The following TOP1MT variants were observed in gnomAD, a reference collection of about 807,000 sequenced individuals.
The protein encoded by TOP1MT is DNA topoisomerase I, mitochondrial.
Under a neutral mutation model 73.9 loss-of-function variants are expected in TOP1MT, and 80 were observed. The observed-to-expected ratio is 1.08, with a 90% CI of 0.90 to 1.30. The LOEUF is 1.30. TOP1MT is among the 50% of genes most tolerant of loss of function. TOP1MT has a pLI of 0.00. For missense variants in TOP1MT, 815 were observed against 808.0 expected (o/e 1.01, Z -0.10); for synonymous variants, 338 against 326.4 (o/e 1.04, Z -0.38).
chr8:143,355,750 G>A (rs553721889), intron 1 of TOP1MT, among the ~76,000 whole-genome samples: 36 of 151,054 alleles, frequency 2.4e-4, no homozygotes, highest in South Asian at 8.3e-4. Flanking sequence ...GAGGCGGCTC[G>A]CATTACGAAC....
chr8:143,358,253 A>C (rs954469543), upstream of TOP1MT, among the ~76,000 whole-genome samples: 29 of 152,268 alleles, frequency 1.9e-4, no homozygotes, highest in African/African-American at 5.8e-4. Flanking sequence ...CTCTTCCTTT[A>C]ATCAAAGAAA....
chr8:143,358,530 T>A (rs1817449520), upstream of TOP1MT: 1 of 152,196 alleles, frequency 6.6e-6, no homozygotes, highest in South Asian at 2.1e-4. Context: ...ACAAAATCCA[T>A]CATCATAAAC....
rs145270080 is a variant in TOP1MT at position 143,322,519 on chromosome 8, A to AACAGGCACGCC, written c.961-1144_961-1134dup. Among the ~76,000 whole-genome samples, 2 of 76,022 alleles carry AACAGGCACGCC rather than the reference A, an allele frequency of 2.6e-5. 1 individual carries two copies. Among genetic ancestry groups the AACAGGCACGCC allele is most frequent in the South Asian group, 1.3e-3 (2 of 1,552 alleles). 49.9% of individuals were successfully genotyped at this position (76,022 alleles called of 152,430 possible). A position where few individuals can be genotyped will look rare whatever the true frequency, so the allele number is the denominator to read the frequency against. On this transcript the variant is annotated intron_variant, in intron 7 of 13. Transcript: ENST00000329245. ...CGCCACACACACAGGCACGCCACAC[A>AACAGGCACGCC]ACAGGCACGCCAAAGATGCACGCCA...
chr8:143,313,419 G>A (rs1002822682), intron 12 of TOP1MT, among the ~76,000 whole-genome samples: 1 of 151,744 alleles, frequency 6.6e-6, no homozygotes, highest in Non-Finnish European at 1.5e-5. Flanking sequence ...GTATAGTGGT[G>A]TGTGTCTGTA....
Position 143,325,459 on chromosome 8 carries a change from T to G in TOP1MT, c.558A>C (p.Ile186=), listed in dbSNP as rs1040448132. Residue 186 remains isoleucine (I), a synonymous_variant, in exon 5 of 14, where the codon ATA becomes ATC. Transcript: ENST00000329245. The part of the protein sequence containing the change: ...YCILDGHQEK[I]GNFKIEPPGL... ...CAGGCGGCTCAATCTTGAAGTTGCC[T>G]ATTTTTTCTTGGTGACCATCTAAAA... 4 of 1,613,496 alleles carry G rather than the reference T, an allele frequency of 2.5e-6. No individual in the cohort carries two copies. The highest frequency in any genetic ancestry group is 1.7e-5 in the Admixed American group (1 of 60,006).
chr8:143,340,593 G>T (rs1160499523), intron 2 of TOP1MT, among the ~76,000 whole-genome samples: 1 of 151,940 alleles, frequency 6.6e-6, no homozygotes, highest in Non-Finnish European at 1.5e-5. Context: ...TTCTTCACCA[G>T]GCCCCCCACC....
chr8:143,323,359 C>A (rs1270678465), intron 7 of TOP1MT, among the ~76,000 whole-genome samples: 48 of 66,142 alleles, frequency 7.3e-4, no homozygotes, highest in East Asian at 1.4e-3. Flanking sequence ...CACGCCACAC[C>A]CACAGGCACG....
Position 143,310,074 on chromosome 8 carries a change from A to T in TOP1MT, c.1697T>A (p.Ile566Asn), listed in dbSNP as rs759840706. Residue 566 changes from isoleucine (I) to asparagine (N), a missense_variant, in exon 13 of 14, where the codon ATT (isoleucine) becomes AAT (asparagine). Physicochemically the swap from Ile to Asn is moderately radical, Grantham distance 149. Transcript: ENST00000329245. Reference protein sequence around the residue: ...KLNYLDPRISIAWCKRFRVPV... With the variant: ...KLNYLDPRISNAWCKRFRVPV... ...AGACCCCAGGCACACGCACCAGGCA[A>T]TGCTGATCCTGGGGTCCAGGTAGTT... 4.3e-6 allele frequency: 7 copies of T among 1,612,666 alleles called. No homozygotes were observed. In the South Asian group the frequency reaches 7.7e-5, roughly 18 times the overall value.
chr8:143,326,428 C>T (rs1287756324), intron 3 of TOP1MT, 84 bp from the exon 4 acceptor site: 46 of 1,572,450 alleles, frequency 2.9e-5, no homozygotes, highest in East Asian at 2.7e-4. Context: ...CGGACAGAAA[C>T]GCGCTCTCGC....
upstream of TOP1MT, among the ~76,000 whole-genome samples, chr8:143,335,749 G>A (rs1046784930): frequency 1.3e-5 from 2 of 152,262 alleles, no homozygotes; most frequent in African/African-American, 2.4e-5. Context: ...CACTGTGACC[G>A]TTGGGGGGAA....
chr8:143,321,477 C>CCACACGCACGCCACACACGCACGCCACA, intron 7 of TOP1MT, 91 bp from the exon 8 acceptor site: 1 of 1,000,970 alleles, frequency 1.0e-6, no homozygotes, highest in Middle Eastern at 3.3e-4. Flanking sequence ...CACACGCACG[C>CCACACGCACGCCACACACGCACGCCACA]CACACGCACG....
rs183280388 is a variant in TOP1MT, at chr8:143,342,866, C to G, written c.29+354G>C. ...GTGGCGTGATCTCGGCTCACTGCAA[C>G]CTCTGCCTCCCGGGTTCAAGCGATT... On this transcript the variant is annotated intron_variant, in intron 2 of 5. Transcript: ENST00000518007. 3.1e-3 allele frequency among the ~76,000 whole-genome samples: 472 copies of G among 150,552 alleles called. 2 individuals are homozygous for G. Among genetic ancestry groups the G allele is most frequent in the East Asian group, 0.013 (68 of 5,124 alleles).
At chr8:143,309,874 G>A in intron 13 of TOP1MT, 194 bp downstream of exon 13, 1 of 1,544,030 alleles carries the variant, frequency 6.5e-7, no homozygotes, top group Non-Finnish European at 8.7e-7. Flanking sequence ...ACTTCACCCT[G>A]TCCATCCGAA....
intron 1 of TOP1MT, chr8:143,343,419 G>A (rs1817166347): frequency 2.8e-6 from 1 of 363,526 alleles, no homozygotes; most frequent in Non-Finnish European, 5.5e-6. Context: ...TTTTTCAAAA[G>A]TACACCTGGC....
rs1011438089 is a variant in TOP1MT, at chr8:143,316,046, C to T, written c.1411G>A (p.Ala471Thr). Reference protein sequence around the residue: ...VVAILCNHQRATPSTFEKSMQ... With the variant: ...VVAILCNHQRTTPSTFEKSMQ... Reference sequence around the variant, plus strand: ...GACTTCTCGAACGTACTGGGGGTTGCTCGCTGATGGTTGCAGAGAATGGCC... The same window carrying T: ...GACTTCTCGAACGTACTGGGGGTTGTTCGCTGATGGTTGCAGAGAATGGCC... The change falls in exon 11 of 14, where the codon GCA becomes ACA. Residue 471 changes from alanine (A) to threonine (T), a missense_variant. Ala to Thr is a moderately conservative substitution (Grantham distance 58). Around this residue, in one of 3 missense-constraint regions of TOP1MT, gnomAD observed 751 missense variants for 725.4 expected, o/e 1.04. Transcript: ENST00000329245. The T allele has an allele frequency of 3.1e-6, 5 of 1,614,042 alleles. 1 individual carries two copies. Among genetic ancestry groups the T allele is most frequent in the Non-Finnish European group, 2.5e-6 (3 of 1,179,998 alleles).
At chr8:143,323,949 G>A (rs760045915) in intron 7 of TOP1MT, 50 bp downstream of exon 7, 20 of 1,602,846 alleles carry the variant, frequency 1.2e-5, no homozygotes, top group African/African-American at 4.0e-5. Context: ...GGGAGTCCTC[G>A]CCAGGAGAAC....
upstream of TOP1MT, among the ~76,000 whole-genome samples, chr8:143,338,566 CA>C (rs57834607): frequency 0.051 from 6,657 of 129,904 alleles, 449 homozygotes; most frequent in African/African-American, 0.16. Context: ...GACTCCGTCT[CA>C]AAAAAAAAAA....
At chr8:143,334,991 G>T, upstream of TOP1MT, 3 of 1,001,550 alleles carry the variant, frequency 3.0e-6, no homozygotes, top group South Asian at 4.4e-5. Context: ...AAGGCTGGGC[G>T]GTCTAAGCCT....
chr8:143,331,406 C>A, intron 1 of TOP1MT, 67 bp from the exon 2 acceptor site: 1 of 1,362,898 alleles, frequency 7.3e-7, no homozygotes, highest in Non-Finnish European at 1.0e-6. Flanking sequence ...TCCCCGCTCC[C>A]ACAGTGGCTC....
Sources: gnomAD v4.1 joint callset for allele counts (sites outside exome capture counted in the v4.1 genomes callset) on GRCh38, gnomAD v4.1.1 for gene constraint, gnomAD v4.1.1 regional missense constraint, MANE v1.5 for transcripts, NCBI Gene and HGNC (gene_info 2026-07-23, HGNC 2026-07-21) for gene names.